SPNS2: variants seen among roughly 807,000 people sequenced by gnomAD.
SPNS2 encodes SPNS lysolipid transporter 2, sphingosine-1-phosphate.
A neutral mutation model predicts 57.6 loss-of-function variants in SPNS2; 37 were observed. The ratio of observed to expected loss-of-function variants is 0.64; its 90% CI spans 0.49 to 0.85. The LOEUF is 0.85. Among genes scored for constraint, SPNS2 ranks in the 40% least tolerant of loss-of-function variants. The pLI is 0.00. For synonymous variants in SPNS2, 440 were observed against 346.9 expected (o/e 1.27, Z -2.98); for missense variants, 831 against 779.1 (o/e 1.07, Z -0.79).
Position 4,533,035 on chromosome 17 carries a change from C to T in SPNS2, c.994C>T (p.Leu332=). ...TSAVSFATGA[L]GMWIPLYLHR... ...GGCTGTCTCCTTCGCCACGGGGGCC[C>T]TGGGCATGTGGATCCCGCTCTACCT... Residue 332 remains leucine, a synonymous_variant, in exon 7 of 13, where the codon CTG becomes TTG. Coordinates refer to ENST00000329078, the MANE Select transcript of SPNS2 (RefSeq NM_001124758.3). The T allele has an allele frequency of 6.2e-7, 1 of 1,613,392 alleles. No homozygotes were observed. Among genetic ancestry groups the T allele is most frequent in the Non-Finnish European group, 8.5e-7 (1 of 1,179,964 alleles).
At position 4,525,143 on chromosome 17, in the gene SPNS2, A is replaced by G; in HGVS notation, c.523A>G (p.Ile175Val). The G allele has an allele frequency of 6.2e-7, 1 of 1,613,900 alleles. No homozygotes were observed. Among genetic ancestry groups the G allele is most frequent in the Non-Finnish European group, 8.5e-7 (1 of 1,179,980 alleles). The change falls in exon 3 of 13, where the codon ATT (isoleucine) becomes GTT (valine). Residue 175 changes from isoleucine (I) to valine (V), a missense_variant. Coordinates refer to ENST00000329078, the MANE Select transcript of SPNS2 (RefSeq NM_001124758.3). ...FNRKVILSCG[I>V]FFWSAVTFSS... ...CAGGAAGGTGATTCTCAGCTGCGGC[A>G]TTTTCTTCTGGTCGGCCGTCACCTT...
chr17:4,519,621 A>T (rs1273063274), intron 2 of SPNS2, among the ~76,000 whole-genome samples: 3 of 1,906 alleles, frequency 1.6e-3, no homozygotes, highest in Non-Finnish European at 4.0e-3. Flanking sequence ...CCTCCACAGG[A>T]TGTCCCTGCG....
rs543836770 is a variant in SPNS2, at chr17:4,532,550, T to G, written c.801T>G (p.Pro267=). The G allele has an allele frequency of 1.9e-6, 3 of 1,614,170 alleles. No homozygotes were observed. In the African/African-American group the frequency reaches 4.0e-5, roughly 22 times the overall value. Residue 267 remains proline (P), a synonymous_variant, in exon 6 of 13, where the codon CCT becomes CCG. Coordinates refer to ENST00000329078, the MANE Select transcript of SPNS2 (RefSeq NM_001124758.3). ...TTCCTGCTCTCTGGCAGGTGTCCCC[T>G]GTCCTGGGCATGATCACAGGAACAC... ...GDWHWALRVS[P]VLGMITGTLI... is the part of the protein sequence containing the mutation.
Position 4,536,246 on chromosome 17 carries a change from C to G in SPNS2, c.1444-17C>G. On this transcript the variant is annotated splice_polypyrimidine_tract_variant and intron_variant, in intron 10 of 12. Transcript: ENST00000329078. ...CAGGAGGGCTCTGCCCTGACATCCACCCCCAAATCCTCGCAGATCTCAGAC... is the reference window on the plus strand; with the variant it reads ...CAGGAGGGCTCTGCCCTGACATCCAGCCCCAAATCCTCGCAGATCTCAGAC... 1 of 1,610,420 alleles carries G rather than the reference C, an allele frequency of 6.2e-7. No homozygotes were observed. Among genetic ancestry groups the G allele is most frequent in the Non-Finnish European group, 8.5e-7 (1 of 1,178,954 alleles).
chr17:4,524,807 A>G (rs1905223789), intron 2 of SPNS2, among the ~76,000 whole-genome samples: 1 of 152,250 alleles, frequency 6.6e-6, no homozygotes, highest in Non-Finnish European at 1.5e-5. Context: ...AAGTACCCAA[A>G]GGGCTCACCC....
intron 9 of SPNS2, among the ~76,000 whole-genome samples, chr17:4,534,174 C>T (rs1399177031): frequency 6.6e-6 from 1 of 152,196 alleles, no homozygotes; most frequent in Non-Finnish European, 1.5e-5. Context: ...GCCCTCCTCC[C>T]CCCGCTGGGT....
At chr17:4,517,147 C>T (rs1350510898) in intron 2 of SPNS2, among the ~76,000 whole-genome samples, 2 of 152,150 alleles carry the variant, frequency 1.3e-5, no homozygotes, top group Non-Finnish European at 2.9e-5. Context: ...GGTAGAGTTC[C>T]CTTTCGAGAA....
rs117252072 is a variant in SPNS2 at position 4,527,864 on chromosome 17, G to A, written c.573+2671G>A. 8.8e-3 allele frequency among the ~76,000 whole-genome samples: 1,332 copies of A among 151,468 alleles called. 12 individuals are homozygous for A. Among genetic ancestry groups the A allele is most frequent in the South Asian group, 0.03 (142 of 4,802 alleles). Reference sequence around the variant, plus strand: ...TATTGTAAAACTCTGTTTATCTCCCGTGGCCCAGCCTTCTACTTGGGGTAT... The same window carrying A: ...TATTGTAAAACTCTGTTTATCTCCCATGGCCCAGCCTTCTACTTGGGGTAT... On this transcript the variant is annotated intron_variant, in intron 3 of 12. Coordinates refer to ENST00000329078, the MANE Select transcript of SPNS2 (RefSeq NM_001124758.3).
intron 2 of SPNS2, among the ~76,000 whole-genome samples, chr17:4,517,095 C>A (rs1252477799): frequency 6.6e-6 from 1 of 152,162 alleles, no homozygotes; most frequent in Non-Finnish European, 1.5e-5. Flanking sequence ...TCCAAGCTTC[C>A]TGATTCCAAG....
rs1024292886 is a variant in SPNS2 at position 4,499,175 on chromosome 17, G to C, written c.128G>C (p.Arg43Pro). 2.0e-5 allele frequency: 25 copies of C among 1,234,654 alleles called. No homozygotes were observed. Among genetic ancestry groups the C allele is most frequent in the Non-Finnish European group, 2.3e-5 (23 of 990,422 alleles). The allele number at this position is 1,234,654 out of a possible 1,614,324, so 76.5% of individuals were successfully genotyped here. Residue 43 changes from arginine to proline, a missense_variant, in exon 1 of 13, where the codon CGG becomes CCG. Physicochemically the swap from Arg to Pro is moderately radical, Grantham distance 103. Coordinates refer to ENST00000329078, the MANE Select transcript of SPNS2 (RefSeq NM_001124758.3). The surrounding 1 kb of genome is among the most constrained non-coding windows in gnomAD (Gnocchi z 5.2). ...GGCGGTAGCGGTTGCTGCGGGGCGC[G>C]GGGCGCGGGCGGCGCTGGAGTCTCG... ...GAGGSGCCGA[R>P]GAGGAGVSAA...
In SPNS2 at chr17:4,538,788, C is replaced by CCTGA; in HGVS notation, c.*1342_*1345dup. On this transcript the variant is annotated 3_prime_UTR_variant, in exon 13 of 13. Transcript: ENST00000329078. ...ACCAAGCTCTGGGGTACCCCGAGGG[C>CCTGA]CTGACAAGAGGATGGGGTGGGGGTG... 1.3e-6 allele frequency: 1 copy of CCTGA among 750,904 alleles called. No homozygotes were observed. The highest frequency in any genetic ancestry group is 2.4e-5 in the East Asian group (1 of 40,866). The allele number at this position is 750,904 out of a possible 1,614,324, so 46.5% of individuals were successfully genotyped here.
chr17:4,501,566 A>C (rs1332241879), intron 1 of SPNS2, among the ~76,000 whole-genome samples: 4 of 151,972 alleles, frequency 2.6e-5, no homozygotes, highest in African/African-American at 7.3e-5. Flanking sequence ...GAGCTCACAC[A>C]CCACCCCACC....
In SPNS2 at chr17:4,537,910, C is replaced by T. The variant is rs1300564342; in HGVS notation, c.*462C>T. On this transcript the variant is annotated 3_prime_UTR_variant, in exon 13 of 13. Coordinates refer to ENST00000329078, the MANE Select transcript of SPNS2 (RefSeq NM_001124758.3). Reference sequence around the variant, plus strand: ...TGGACCATACGGAGAGCAGGTGGCCCAGGCCTCAGGGCGGCAGTCCCGGCT... The same window carrying T: ...TGGACCATACGGAGAGCAGGTGGCCTAGGCCTCAGGGCGGCAGTCCCGGCT... 1 of 411,358 alleles carries T rather than the reference C, an allele frequency of 2.4e-6. No individual in the cohort carries two copies. Among genetic ancestry groups the T allele is most frequent in the Admixed American group, 2.6e-5 (1 of 37,774 alleles). 25.5% of individuals were successfully genotyped at this position (411,358 alleles called of 1,614,324 possible).
intron 11 of SPNS2, 63 bp downstream of exon 11, chr17:4,536,489 G>C: frequency 1.3e-6 from 2 of 1,542,942 alleles, no homozygotes; most frequent in Non-Finnish European, 1.8e-6. Context: ...GATAGCCACC[G>C]TGAGCCCTGC....
intron 2 of SPNS2, among the ~76,000 whole-genome samples, chr17:4,516,214 T>C (rs1904980485): frequency 6.7e-6 from 1 of 149,938 alleles, no homozygotes; most frequent in African/African-American, 2.5e-5. Context: ...CTCGGGAGGC[T>C]GAGGCAGGAG....
rs551670781 is a variant in SPNS2, at chr17:4,527,735, C to T, written c.573+2542C>T. Among the ~76,000 whole-genome samples, 3 of 152,278 alleles carry T rather than the reference C, an allele frequency of 2.0e-5. No homozygotes were observed. In the East Asian group the frequency reaches 5.8e-4, roughly 29 times the overall value. On this transcript the variant is annotated intron_variant, in intron 3 of 12. Coordinates refer to ENST00000329078, the MANE Select transcript of SPNS2 (RefSeq NM_001124758.3). ...GTCAGATTGGCAACAATTAAAAAGG[C>T]TGACAATACCAAGTGTGATCAAAGC...
Position 4,499,134 on chromosome 17 carries a change from G to T in SPNS2, c.87G>T (p.Gly29=), listed in dbSNP as rs1236313910. The T allele has an allele frequency of 3.5e-6, 4 of 1,158,696 alleles. No homozygotes were observed. Among genetic ancestry groups the T allele is most frequent in the Non-Finnish European group, 4.3e-6 (4 of 940,612 alleles). The allele number at this position is 1,158,696 out of a possible 1,614,324, so 71.8% of individuals were successfully genotyped here. Residue 29 remains glycine, a synonymous_variant, in exon 1 of 13, where the codon GGG becomes GGT. Coordinates refer to ENST00000329078, the MANE Select transcript of SPNS2 (RefSeq NM_001124758.3). The surrounding 1 kb of genome is among the most constrained non-coding windows in gnomAD (Gnocchi z 5.2). Reference sequence around the variant, plus strand: ...CGGAGCGGCGGCGCCGGCGCCGGGGGGCGCAGCGAGGGGCTGGCGGTAGCG... The same window carrying T: ...CGGAGCGGCGGCGCCGGCGCCGGGGTGCGCAGCGAGGGGCTGGCGGTAGCG... ...ADAERRRRRR[G]AQRGAGGSGC...
Position 4,512,531 on chromosome 17 carries a change from A to C in SPNS2, c.371-716A>C, listed in dbSNP as rs11649789. Among the ~76,000 whole-genome samples the C allele has an allele frequency of 0.28, 41,869 of 151,824 alleles. 5,949 individuals are homozygous for C. The highest frequency in any genetic ancestry group is 0.38 in the South Asian group (1,807 of 4,782). On this transcript the variant is annotated intron_variant, in intron 1 of 12. Coordinates refer to ENST00000329078, the MANE Select transcript of SPNS2 (RefSeq NM_001124758.3). The surrounding 1 kb of genome is among the most constrained non-coding windows in gnomAD (Gnocchi z 5.2). ...GGCCTCAAGAAATCCACTTCTCCCAAGAAAACGGGCCTGGAGCCCCGCCTG... is the reference window on the plus strand; with the variant it reads ...GGCCTCAAGAAATCCACTTCTCCCACGAAAACGGGCCTGGAGCCCCGCCTG...
intron 9 of SPNS2, 43 bp from the exon 10 acceptor site, chr17:4,536,014 GGCCAGGGCCAAGCGCGTGA>G: frequency 6.8e-7 from 1 of 1,470,262 alleles, no homozygotes. Flanking sequence ...CACGGCCCGG[GGCCAGGGCCAAGCGCGTGA>G]GCCTTTCTCC....
Sources: allele counts gnomAD v4.1 joint callset (sites outside exome capture counted in the v4.1 genomes callset), GRCh38; gene constraint gnomAD v4.1.1; non-coding constraint Gnocchi (gnomAD v3.1); transcripts MANE v1.5; gene names NCBI Gene and HGNC (gene_info 2026-07-23, HGNC 2026-07-21).